Variants in RAI2 observed in about 807,000 individuals in gnomAD.
RAI2 encodes the protein retinoic acid induced 2, also known as retinoic acid-induced protein 2.
Under a neutral mutation model 15.3 loss-of-function variants are expected in RAI2, and 5 were observed. The observed-to-expected ratio is 0.33, with a 90% CI of 0.17 to 0.69. The LOEUF is 0.69. Ranked by LOEUF, RAI2 falls within the 30% of genes least tolerant of loss-of-function variation. The pLI is 0.69. For missense variants in RAI2, 424 were observed against 424.7 expected, an observed-to-expected ratio of 1.00 and a Z score of 0.01; for synonymous variants, 191 against 184.0, an observed-to-expected ratio of 1.04 and a Z score of -0.31.
intron 1 of RAI2, among the ~76,000 whole-genome samples, chrX:17,835,369 C>T (rs2067323211): frequency 8.9e-6 from 1 of 112,086 alleles, no homozygotes; most frequent in Non-Finnish European, 1.9e-5. Context: ...CTAAATTTGC[C>T]CCAGGCAATG....
At chrX:17,814,380 G>GTGCA (rs2067082457) in intron 1 of RAI2, among the ~76,000 whole-genome samples, 1 of 104,584 alleles carries the variant, frequency 9.6e-6, no homozygotes, top group African/African-American at 3.5e-5. Context: ...CACCTTTAGG[G>GTGCA]AGCATCATGG....
chrX:17,808,405 G>A (rs1379637434), intron 1 of RAI2, among the ~76,000 whole-genome samples: 1 of 110,679 alleles, frequency 9.0e-6, no homozygotes, highest in East Asian at 2.8e-4. Flanking sequence ...ATTCATTGGA[G>A]TAATCTGGAA....
At chrX:17,833,760 C>A (rs2067306603) in intron 1 of RAI2, among the ~76,000 whole-genome samples, 1 of 111,525 alleles carries the variant, frequency 9.0e-6, no homozygotes, top group Non-Finnish European at 1.9e-5. Flanking sequence ...CTTTATACCT[C>A]AATTTAAAAA....
chrX:17,808,717 C>T lies in RAI2; in HGVS notation c.-24-6683G>A, dbSNP rs1368188701. Reference sequence around the variant, plus strand: ...CTCTCCCTCTTGCAAGGCTGACTTCCCAGAGACCTCTGCTAAGAATCTTGC... The same window carrying T: ...CTCTCCCTCTTGCAAGGCTGACTTCTCAGAGACCTCTGCTAAGAATCTTGC... On this transcript the variant is annotated intron_variant, in intron 1 of 1. Coordinates refer to ENST00000451717, the MANE Select transcript of RAI2 (RefSeq NM_021785.6). Among the ~76,000 whole-genome samples, 3 of 110,637 alleles carry T rather than the reference C, an allele frequency of 2.7e-5. No homozygotes were observed. The Admixed American group carries it at 2.9e-4, about 11-fold the overall frequency.
intron 1 of RAI2, among the ~76,000 whole-genome samples, chrX:17,820,697 C>T (rs1157394373): frequency 1.8e-5 from 2 of 111,157 alleles, no homozygotes; most frequent in Non-Finnish European, 3.8e-5. Context: ...GTGACTCGGC[C>T]TCTCTGAGCT....
chrX:17,819,893 C>T (rs1051381384), intron 1 of RAI2, among the ~76,000 whole-genome samples: 8 of 112,425 alleles, frequency 7.1e-5, no homozygotes, highest in African/African-American at 2.6e-4. Flanking sequence ...TAGCCTCTTT[C>T]AGGTGGTTAC....
At chrX:17,807,381 A>C (rs759376654) in intron 1 of RAI2, among the ~76,000 whole-genome samples, 3 of 111,709 alleles carry the variant, frequency 2.7e-5, no homozygotes, top group Non-Finnish European at 5.6e-5. Context: ...TGCTGAGGAA[A>C]TATCTTCTGG....
intron 1 of RAI2, among the ~76,000 whole-genome samples, chrX:17,825,469 C>T (rs1344475366): frequency 1.8e-5 from 2 of 112,656 alleles, no homozygotes; most frequent in Non-Finnish European, 3.7e-5. Flanking sequence ...TGAGGTCAAC[C>T]CTCTGTGCCC....
chrX:17,841,677 C>A (rs754660547), intron 1 of RAI2, among the ~76,000 whole-genome samples: 1 of 112,171 alleles, frequency 8.9e-6, no homozygotes, highest in African/African-American at 3.2e-5. Context: ...CACTGTGGGT[C>A]CCGGGTTGAG....
At chrX:17,834,710 G>A (rs1428841368) in intron 1 of RAI2, among the ~76,000 whole-genome samples, 1 of 111,057 alleles carries the variant, frequency 9.0e-6, no homozygotes, top group Non-Finnish European at 1.9e-5. Flanking sequence ...TATGGGAAGA[G>A]AATAAAACAC....
At chrX:17,813,742 C>T (rs1001723808) in intron 1 of RAI2, among the ~76,000 whole-genome samples, 17 of 111,699 alleles carry the variant, frequency 1.5e-4, no homozygotes, top group Non-Finnish European at 2.3e-4. Flanking sequence ...ATTTTAGCAG[C>T]ATCCAAAGTT....
chrX:17,829,553 T>C (rs898584778), intron 1 of RAI2, among the ~76,000 whole-genome samples: 1 of 111,963 alleles, frequency 8.9e-6, no homozygotes, highest in African/African-American at 3.3e-5. Context: ...GTGGAGCAGT[T>C]CACCAAGTGC....
intron 1 of RAI2, among the ~76,000 whole-genome samples, chrX:17,859,696 C>T: frequency 8.9e-6 from 1 of 112,587 alleles, no homozygotes; most frequent in South Asian, 3.7e-4. Flanking sequence ...CCGCAAGCCG[C>T]CCCTCAAACC....
chrX:17,814,248 C>T (rs1363259059), intron 1 of RAI2, among the ~76,000 whole-genome samples: 1 of 105,181 alleles, frequency 9.5e-6, no homozygotes, highest in African/African-American at 3.5e-5. Flanking sequence ...TATTCACCCG[C>T]CCCCATCCAT....
intron 1 of RAI2, among the ~76,000 whole-genome samples, chrX:17,809,189 T>C (rs2067014126): frequency 8.9e-6 from 1 of 112,381 alleles, no homozygotes; most frequent in African/African-American, 3.2e-5. Context: ...TACACAGCCC[T>C]CTGAAGGGAA....
intron 1 of RAI2, among the ~76,000 whole-genome samples, chrX:17,852,454 C>A (rs2067547641): frequency 8.9e-6 from 1 of 112,110 alleles, no homozygotes; most frequent in African/African-American, 3.2e-5. Context: ...CTATCCTTCA[C>A]CAGCATCCCC....
intron 1 of RAI2, among the ~76,000 whole-genome samples, chrX:17,806,470 G>A (rs2066982721): frequency 8.9e-6 from 1 of 111,988 alleles, no homozygotes; most frequent in South Asian, 3.7e-4. Flanking sequence ...TGGCTGGGTA[G>A]GAAGCAGGCA....
chrX:17,854,910 C>T (rs747357407), intron 1 of RAI2, among the ~76,000 whole-genome samples: 4 of 111,972 alleles, frequency 3.6e-5, no homozygotes, highest in Non-Finnish European at 7.5e-5. Flanking sequence ...GGAGCCAGAG[C>T]CACAGGCGCC....
intron 1 of RAI2, among the ~76,000 whole-genome samples, chrX:17,859,665 G>C (rs1316248568): frequency 8.9e-6 from 1 of 112,657 alleles, no homozygotes; most frequent in Non-Finnish European, 1.9e-5. Context: ...CGCCAGATGA[G>C]GGGGGCCGGC....
Sources: gnomAD v4.1 joint callset for allele counts (sites outside exome capture counted in the v4.1 genomes callset) on GRCh38, gnomAD v4.1.1 for gene constraint, MANE v1.5 for transcripts, NCBI Gene and HGNC (gene_info 2026-07-23, HGNC 2026-07-21) for gene names.